Variants in TPRG1 observed in about 807,000 individuals in gnomAD.
TPRG1 encodes the protein tumor protein p63 regulated 1.
A neutral mutation model predicts 29.3 loss-of-function variants in TPRG1; 29 were observed. That is an observed-to-expected ratio of 0.99 (90% CI 0.74 to 1.35). The LOEUF is 1.35. Ranked by LOEUF, TPRG1 falls within the 40% of genes most tolerant of loss-of-function variation. The pLI is 0.00. For missense variants in TPRG1, 327 were observed against 335.0 expected (o/e 0.98, Z 0.19); for synonymous variants, 130 against 116.8 (o/e 1.11, Z -0.73).
chr3:189,274,751 G>C (rs1035297571), intron 4 of TPRG1, among the ~76,000 whole-genome samples: 1 of 151,830 alleles, frequency 6.6e-6, no homozygotes, highest in African/African-American at 2.4e-5. Flanking sequence ...TTGGAAATAG[G>C]TATTTCTTAC....
chr3:189,309,121 A>T (rs1319248118), intron 4 of TPRG1, among the ~76,000 whole-genome samples: 1 of 150,400 alleles, frequency 6.6e-6, no homozygotes, highest in Non-Finnish European at 1.5e-5. Context: ...TACAAAAAAA[A>T]GTTGGGTGTC....
chr3:189,281,557 C>T (rs1308140971), intron 4 of TPRG1, among the ~76,000 whole-genome samples: 4 of 151,924 alleles, frequency 2.6e-5, no homozygotes, highest in Non-Finnish European at 5.9e-5. Context: ...TGTGTGTGCA[C>T]GTGAGTGTGT....
At chr3:189,032,711 A>AGCATTAGG (rs1714000648) in intron 4 of TPRG1, among the ~76,000 whole-genome samples, 1 of 150,322 alleles carries the variant, frequency 6.7e-6, no homozygotes, top group Non-Finnish European at 1.5e-5. Context: ...CTCGTCATTT[A>AGCATTAGG]GCATTAGGTG....
At chr3:189,125,825 G>T (rs910087225) in intron 1 of TPRG1, among the ~76,000 whole-genome samples, 1 of 69,768 alleles carries the variant, frequency 1.4e-5, no homozygotes, top group African/African-American at 7.4e-5. Context: ...GTGTGTGTGT[G>T]TGTGTGTGTG....
intron 4 of TPRG1, among the ~76,000 whole-genome samples, chr3:189,286,666 T>A (rs1477444656): frequency 6.6e-6 from 1 of 152,074 alleles, no homozygotes; most frequent in Non-Finnish European, 1.5e-5. Flanking sequence ...CTCAGATTTG[T>A]AGGCCAGCCA....
chr3:189,140,344 C>G (rs1724377408), intron 3 of TPRG1, among the ~76,000 whole-genome samples: 1 of 152,162 alleles, frequency 6.6e-6, no homozygotes, highest in Admixed American at 6.6e-5. Context: ...TGGGCACATT[C>G]CGAAGCTTTG....
chr3:189,171,450 C>A (rs1007246136), upstream of TPRG1, among the ~76,000 whole-genome samples: 1 of 152,148 alleles, frequency 6.6e-6, no homozygotes, highest in Admixed American at 6.5e-5. Context: ...GTAGCATTGC[C>A]CTCAAGGGGC....
chr3:189,198,074 C>T (rs1237851270), intron 1 of TPRG1, among the ~76,000 whole-genome samples: 1 of 152,124 alleles, frequency 6.6e-6, no homozygotes, highest in Non-Finnish European at 1.5e-5. Flanking sequence ...CCTCCCATTG[C>T]AAAATGTTAG....
chr3:189,128,456 T>C (rs1036446937), intron 2 of TPRG1, among the ~76,000 whole-genome samples: 8 of 152,208 alleles, frequency 5.3e-5, no homozygotes, highest in African/African-American at 1.7e-4. Flanking sequence ...ACATGAAACA[T>C]ATTTATACTA....
At chr3:189,185,343 C>T (rs1033443320) in intron 1 of TPRG1, among the ~76,000 whole-genome samples, 3 of 152,050 alleles carry the variant, frequency 2.0e-5, no homozygotes, top group African/African-American at 7.2e-5. Flanking sequence ...CCCACCTCAG[C>T]CTCCCAAGTA....
intron 1 of TPRG1, among the ~76,000 whole-genome samples, chr3:189,174,318 T>C (rs545207295): frequency 6.6e-6 from 1 of 152,148 alleles, no homozygotes; most frequent in African/African-American, 2.4e-5. Flanking sequence ...AATCCAGATA[T>C]CTTGTTTTCA....
intron 4 of TPRG1, among the ~76,000 whole-genome samples, chr3:189,271,107 G>A (rs1715051586): frequency 6.6e-6 from 1 of 152,208 alleles, no homozygotes; most frequent in African/African-American, 2.4e-5. Flanking sequence ...CCACTAGAAT[G>A]TGAAGTCACT....
At chr3:189,122,994 A>G (rs140582373) in intron 1 of TPRG1, among the ~76,000 whole-genome samples, 62 of 152,228 alleles carry the variant, frequency 4.1e-4, no homozygotes, top group Non-Finnish European at 6.5e-4. Flanking sequence ...TCCTCCTTGT[A>G]TCAGGGAGAA....
intron 3 of TPRG1, among the ~76,000 whole-genome samples, chr3:189,139,724 T>G (rs1257437292): frequency 6.6e-6 from 1 of 151,640 alleles, no homozygotes; most frequent in Non-Finnish European, 1.5e-5. Flanking sequence ...TCTCGCTAAC[T>G]TTACAGTCCC....
chr3:189,107,227 G>A (rs1719932722), intron 1 of TPRG1, among the ~76,000 whole-genome samples: 1 of 152,034 alleles, frequency 6.6e-6, no homozygotes, highest in African/African-American at 2.4e-5. Flanking sequence ...GTGAAGGGGA[G>A]ATCTCACTTA....
intron 4 of TPRG1, among the ~76,000 whole-genome samples, chr3:189,300,700 A>G (rs535295298): frequency 6.6e-6 from 1 of 152,298 alleles, no homozygotes; most frequent in Non-Finnish European, 1.5e-5. Flanking sequence ...CACTTCCATC[A>G]CTGAAGACAT....
intron 1 of TPRG1, among the ~76,000 whole-genome samples, chr3:189,100,458 C>T (rs1054944067): frequency 1.3e-5 from 2 of 152,200 alleles, no homozygotes. Flanking sequence ...TCTCTCTCCA[C>T]CCTCCTCCAT....
intron 1 of TPRG1, among the ~76,000 whole-genome samples, chr3:189,103,771 T>C (rs61700928): frequency 0.032 from 4,915 of 152,242 alleles, 267 homozygotes; most frequent in African/African-American, 0.11. Context: ...TAATGATTGT[T>C]ATCAGGATCC....
At chr3:189,078,063 T>TTCCTTCCTTCCTTCCTTC (rs1717312253) in intron 4 of TPRG1, among the ~76,000 whole-genome samples, 1 of 101,200 alleles carries the variant, frequency 9.9e-6, no homozygotes, top group African/African-American at 3.9e-5. Context: ...TTCCTTCCTT[T>TTCCTTCCTTCCTTCCTTC]CTCTCCTTTC....
Sources: allele counts gnomAD v4.1 joint callset (sites outside exome capture counted in the v4.1 genomes callset), GRCh38; gene constraint gnomAD v4.1.1; transcripts MANE v1.5; gene names NCBI Gene and HGNC (gene_info 2026-07-23, HGNC 2026-07-21).